XKR4: variants seen among roughly 807,000 people sequenced by gnomAD.
XKR4 encodes XK-related protein 4.
XKR4 carries 12 observed loss-of-function variants against 53.9 expected under a neutral mutation model. The observed-to-expected ratio is 0.22, with a 90% CI of 0.14 to 0.36. The LOEUF is 0.36. Among genes scored for constraint, XKR4 ranks in the 10% least tolerant of loss-of-function variants. The pLI is 1.00. For missense variants in XKR4, 799 were observed against 859.5 expected (o/e 0.93, Z 0.88); for synonymous variants, 354 against 362.4 (o/e 0.98, Z 0.26).
chr8:55,462,959 AC>A (rs1482928200), intron 2 of XKR4, among the ~76,000 whole-genome samples: 1 of 152,214 alleles, frequency 6.6e-6, no homozygotes, highest in East Asian at 1.9e-4. Flanking sequence ...ATACAGGAGC[AC>A]CCAGATTCAT....
intron 2 of XKR4, among the ~76,000 whole-genome samples, chr8:55,420,665 G>T (rs1317635246): frequency 1.3e-5 from 2 of 151,326 alleles, no homozygotes; most frequent in East Asian, 3.9e-4. Context: ...GGGACAGCAT[G>T]GGGAGATATA....
intron 1 of XKR4, among the ~76,000 whole-genome samples, chr8:55,356,596 A>C (rs79870379): frequency 8.7e-6 from 1 of 115,002 alleles, no homozygotes; most frequent in Non-Finnish European, 1.9e-5. Context: ...AAATTACTAT[A>C]TTTGTAAATG....
At chr8:55,169,804 C>T (rs1817132401) in intron 1 of XKR4, among the ~76,000 whole-genome samples, 1 of 152,122 alleles carries the variant, frequency 6.6e-6, no homozygotes, top group African/African-American at 2.4e-5. Flanking sequence ...TTTAAGTGTA[C>T]AACTTTGAAT....
intron 1 of XKR4, among the ~76,000 whole-genome samples, chr8:55,134,786 T>C (rs761561758): frequency 2.0e-5 from 3 of 152,256 alleles, no homozygotes; most frequent in Non-Finnish European, 4.4e-5. Flanking sequence ...ATTTAGCTTA[T>C]ACCCTTTGTT....
chr8:55,401,388 G>T (rs2129389963), intron 2 of XKR4, among the ~76,000 whole-genome samples: 1 of 152,348 alleles, frequency 6.6e-6, no homozygotes, highest in Non-Finnish European at 1.5e-5. Flanking sequence ...GAATGACTCA[G>T]TTCCTGGAAG....
At chr8:55,240,269 A>T (rs1252800537) in intron 1 of XKR4, among the ~76,000 whole-genome samples, 1 of 152,262 alleles carries the variant, frequency 6.6e-6, no homozygotes, top group Non-Finnish European at 1.5e-5. Flanking sequence ...AAAAATATAA[A>T]AACACAGATC....
chr8:55,461,361 CAG>C (rs1279653278), intron 2 of XKR4, among the ~76,000 whole-genome samples: 2 of 152,238 alleles, frequency 1.3e-5, no homozygotes, highest in African/African-American at 4.8e-5. Context: ...CCCAGGCAAA[CAG>C]GGTCTGGAGT....
intron 1 of XKR4, among the ~76,000 whole-genome samples, chr8:55,152,894 A>C (rs1816856942): frequency 6.6e-6 from 1 of 152,206 alleles, no homozygotes; most frequent in Non-Finnish European, 1.5e-5. Flanking sequence ...TCACCTGTGA[A>C]GTGTGAGCAT....
At position 55,216,695 on chromosome 8, in the gene XKR4, C is replaced by T. The variant is rs1208817203; in HGVS notation, c.806+113401C>T. On this transcript the variant is annotated intron_variant, in intron 1 of 2. Transcript: ENST00000327381. ...TGAGCTGAGATTGTACCATTGCACT[C>T]CAGCCTGGGTGATAAGAGCGAAATT... Among the ~76,000 whole-genome samples, 3 of 148,576 alleles carry T rather than the reference C, an allele frequency of 2.0e-5. No individual in the cohort carries two copies. The East Asian group carries it at 5.9e-4, about 29-fold the overall frequency.
intron 1 of XKR4, among the ~76,000 whole-genome samples, chr8:55,164,940 C>CTGTGT (rs1817045569): frequency 1.3e-5 from 2 of 152,126 alleles, no homozygotes; most frequent in African/African-American, 4.8e-5. Flanking sequence ...CCTATAGACC[C>CTGTGT]TGTGTTCCGG....
intron 2 of XKR4, among the ~76,000 whole-genome samples, chr8:55,471,478 G>T (rs1805881407): frequency 6.6e-6 from 1 of 152,110 alleles, no homozygotes; most frequent in Non-Finnish European, 1.5e-5. Context: ...CCGGCCATCT[G>T]TGTTGTACCA....
At chr8:55,411,763 G>A (rs767693697) in intron 2 of XKR4, among the ~76,000 whole-genome samples, 5 of 152,118 alleles carry the variant, frequency 3.3e-5, no homozygotes, top group Non-Finnish European at 5.9e-5. Flanking sequence ...CACCAAGGTG[G>A]CGAAGTGGCC....
intron 1 of XKR4, among the ~76,000 whole-genome samples, chr8:55,265,634 G>T (rs1818588174): frequency 6.6e-6 from 1 of 152,080 alleles, no homozygotes; most frequent in South Asian, 2.1e-4. Context: ...CAGGAGGATT[G>T]CTTGAGCCTA....
At chr8:55,427,545 G>A (rs1268096434) in intron 2 of XKR4, among the ~76,000 whole-genome samples, 1 of 152,150 alleles carries the variant, frequency 6.6e-6, no homozygotes, top group East Asian at 1.9e-4. Flanking sequence ...TTTGGTTACT[G>A]GCACATATAT....
chr8:55,235,425 A>G (rs1195043838), intron 1 of XKR4, among the ~76,000 whole-genome samples: 2 of 152,242 alleles, frequency 1.3e-5, no homozygotes, highest in Non-Finnish European at 2.9e-5. Flanking sequence ...TGCAAAAAAT[A>G]TCTGCCTCGT....
chr8:55,453,455 C>T (rs1805490758), intron 2 of XKR4: 6 of 399,472 alleles, frequency 1.5e-5, no homozygotes, highest in South Asian at 1.2e-4. Context: ...AAGCATCTTC[C>T]CCTCAAACAC....
At chr8:55,315,616 G>A (rs1819461841) in intron 1 of XKR4, among the ~76,000 whole-genome samples, 1 of 152,130 alleles carries the variant, frequency 6.6e-6, no homozygotes, top group Non-Finnish European at 1.5e-5. Context: ...CTATGATCAT[G>A]CCATTGTACT....
chr8:55,384,431 G>A (rs1804280291), intron 2 of XKR4, among the ~76,000 whole-genome samples: 1 of 152,222 alleles, frequency 6.6e-6, no homozygotes. Flanking sequence ...AATGGCTGCA[G>A]GCTTGGAACA....
At chr8:55,437,000 T>C (rs1306551290) in intron 2 of XKR4, among the ~76,000 whole-genome samples, 1 of 152,198 alleles carries the variant, frequency 6.6e-6, no homozygotes, top group African/African-American at 2.4e-5. Flanking sequence ...ATCTATGTTA[T>C]GAAAGGTACG....
Sources: gnomAD v4.1 joint callset for allele counts (sites outside exome capture counted in the v4.1 genomes callset) on GRCh38, gnomAD v4.1.1 for gene constraint, MANE v1.5 for transcripts, NCBI Gene and HGNC (gene_info 2026-07-23, HGNC 2026-07-21) for gene names.